The following SEC14L5 variants were observed in gnomAD, a reference collection of about 807,000 sequenced individuals.
SEC14L5 encodes the protein SEC14-like protein 5.
In SEC14L5, 96 loss-of-function variants were observed where a neutral mutation model predicts 84.6. The observed-to-expected ratio is 1.13, with a 90% CI of 0.96 to 1.34. The LOEUF is 1.34. Ranked by LOEUF, SEC14L5 falls within the 40% of genes most tolerant of loss-of-function variation. SEC14L5 has a pLI of 0.00. For missense variants in SEC14L5, 1,224 were observed against 942.5 expected (o/e 1.30, Z -3.91); for synonymous variants, 546 against 383.4 (o/e 1.42, Z -4.95).
At chr16:4,987,185 T>C (rs905450452) in intron 2 of SEC14L5, among the ~76,000 whole-genome samples, 2 of 142,142 alleles carry the variant, frequency 1.4e-5, no homozygotes, top group South Asian at 4.7e-4. Context: ...GCCCTTCTAT[T>C]CCTAGTTTAT....
rs117370717 is a variant in SEC14L5 at position 5,012,684 on chromosome 16, C to T, written c.1979+1411C>T. Among the ~76,000 whole-genome samples, 834 of 152,264 alleles carry T rather than the reference C, an allele frequency of 5.5e-3. 3 individuals are homozygous for T. The highest frequency in any genetic ancestry group is 9.1e-3 in the Non-Finnish European group (619 of 68,020). The stretch of plus-strand genomic sequence containing the variant: ...CTTTGGGAAGCCGAGGTGGGTGGAT[C>T]ATCTGTGGTCAAGAGTTTGAGACCA... On this transcript the variant is annotated intron_variant, in intron 15 of 15. Coordinates refer to ENST00000251170, the MANE Select transcript of SEC14L5 (RefSeq NM_014692.2).
intron 13 of SEC14L5, 59 bp from the exon 14 acceptor site, chr16:5,008,362 C>A: frequency 7.8e-7 from 1 of 1,288,042 alleles, no homozygotes; most frequent in African/African-American, 1.5e-5. Flanking sequence ...CCACTGTGTT[C>A]CCCACCCCAG....
At position 5,005,019 on chromosome 16, in the gene SEC14L5, T is replaced by G. The variant is rs74927850; in HGVS notation, c.1303-895T>G. Among the ~76,000 whole-genome samples the G allele has an allele frequency of 5.2e-3, 799 of 152,310 alleles. 3 individuals carry two copies. Among genetic ancestry groups the G allele is most frequent in the African/African-American group, 0.018 (758 of 41,578 alleles). ...TGTGTGATCTCCTTTATATGAAATG[T>G]GCAGAATAGGGCTGGGCGAGGTGGC... On this transcript the variant is annotated intron_variant, in intron 11 of 15. Coordinates refer to ENST00000251170, the MANE Select transcript of SEC14L5 (RefSeq NM_014692.2).
chr16:4,999,430 T>C (rs1475924766), intron 8 of SEC14L5, among the ~76,000 whole-genome samples: 1 of 150,472 alleles, frequency 6.6e-6, no homozygotes, highest in African/African-American at 2.5e-5. Context: ...CATAGTGAGC[T>C]CGCCCCCCTC....
At chr16:4,983,740 A>G (rs984094478) in intron 2 of SEC14L5, among the ~76,000 whole-genome samples, 1 of 151,750 alleles carries the variant, frequency 6.6e-6, no homozygotes, top group East Asian at 1.9e-4. Context: ...AGCAGGGTGT[A>G]GTGGCGTGTG....
rs1262682087 is a variant in SEC14L5 at position 5,000,843 on chromosome 16, T to C, written c.1060-12T>C. 7 of 1,598,710 alleles carry C rather than the reference T, an allele frequency of 4.4e-6. No homozygotes were observed. The highest frequency in any genetic ancestry group is 6.0e-6 in the Non-Finnish European group (7 of 1,172,758). Reference sequence around the variant, plus strand: ...GAGGCGGACGTTGAGCAGCACTGTCTCTCCCTTCCAGGTTCTCTCCGTCAA... The same window carrying C: ...GAGGCGGACGTTGAGCAGCACTGTCCCTCCCTTCCAGGTTCTCTCCGTCAA... On this transcript the variant is annotated splice_polypyrimidine_tract_variant and intron_variant, in intron 9 of 15. Transcript: ENST00000251170.
rs1955555330 is a variant in SEC14L5, at chr16:4,991,771, T to G, written c.475-67T>G. On this transcript the variant is annotated intron_variant, in intron 5 of 15. Transcript: ENST00000251170. ...TGAGCCGGCTGGGGGTGACTCCCTGTGGTGATCCTGTGACCCCCCTCCATC... is the reference window on the plus strand; with the variant it reads ...TGAGCCGGCTGGGGGTGACTCCCTGGGGTGATCCTGTGACCCCCCTCCATC... 15 of 1,115,774 alleles carry G rather than the reference T, an allele frequency of 1.3e-5. No homozygotes were observed. The East Asian group carries it at 4.0e-4, about 30-fold the overall frequency. 69.1% of individuals were successfully genotyped at this position (1,115,774 alleles called of 1,614,324 possible). A position where few individuals can be genotyped will look rare whatever the true frequency, so the allele number is the denominator to read the frequency against.
intron 2 of SEC14L5, among the ~76,000 whole-genome samples, chr16:4,976,005 CAGGA>C (rs1216850334): frequency 1.3e-5 from 2 of 152,070 alleles, no homozygotes; most frequent in Non-Finnish European, 1.5e-5. Context: ...TGAGGAAGAA[CAGGA>C]AGGAAGGAAG....
intron 2 of SEC14L5, among the ~76,000 whole-genome samples, chr16:4,971,303 T>A (rs1955276542): frequency 6.6e-6 from 1 of 151,078 alleles, no homozygotes. Flanking sequence ...TACAAAAAAT[T>A]AAAATATGAA....
chr16:4,983,279 G>A (rs1283623708), intron 2 of SEC14L5, among the ~76,000 whole-genome samples: 1 of 151,844 alleles, frequency 6.6e-6, no homozygotes, highest in Non-Finnish European at 1.5e-5. Context: ...TTCCCAAAGT[G>A]TTGGGATTAC....
chr16:4,987,505 G>GGA (rs1777579186), intron 2 of SEC14L5, 52 bp from the exon 3 acceptor site: 2 of 1,449,764 alleles, frequency 1.4e-6, no homozygotes, highest in Admixed American at 2.3e-5. Context: ...GCTGGGGGGG[G>GGA]GGGTCCCTCT....
At chr16:4,983,848 C>T (rs1596624576) in intron 2 of SEC14L5, among the ~76,000 whole-genome samples, 1 of 150,844 alleles carries the variant, frequency 6.6e-6, no homozygotes, top group Non-Finnish European at 1.5e-5. Context: ...TTGTACTCCA[C>T]CCTGGGTGAC....
In SEC14L5 at chr16:4,959,322, A is replaced by AGCTC. The variant is rs1367341987; in HGVS notation, c.-2_-1insGCTC. 1.2e-6 allele frequency: 2 copies of AGCTC among 1,613,064 alleles called. No individual in the cohort carries two copies. The highest frequency in any genetic ancestry group is 1.7e-6 in the Non-Finnish European group (2 of 1,179,180). On this transcript the variant is annotated 5_prime_UTR_variant, in exon 2 of 16. Transcript: ENST00000251170. Reference sequence around the variant, plus strand: ...GACCTCCATTGGTGCTCCAGCGTGAACATGGTGCAAAGATACCAGTCTCCT... The same window carrying AGCTC: ...GACCTCCATTGGTGCTCCAGCGTGAAGCTCCATGGTGCAAAGATACCAGTCTCCT...
At position 5,015,059 on chromosome 16, in the gene SEC14L5, C is replaced by A. The variant is rs1955858638; in HGVS notation, c.*89C>A. ...GCCAGCTAACTGCAGGGCCTGGGAC[C>A]ATGTGGGCTGGAGCCCCAGGCCTAG... On this transcript the variant is annotated 3_prime_UTR_variant, in exon 16 of 16. Coordinates refer to ENST00000251170, the MANE Select transcript of SEC14L5 (RefSeq NM_014692.2). 1.9e-6 allele frequency: 2 copies of A among 1,055,234 alleles called. No individual in the cohort carries two copies. The highest frequency in any genetic ancestry group is 1.4e-5 in the South Asian group (1 of 70,598). The allele number at this position is 1,055,234 out of a possible 1,614,324, so 65.4% of individuals were successfully genotyped here.
chr16:4,960,943 G>T (rs558774808), intron 2 of SEC14L5, among the ~76,000 whole-genome samples: 1 of 152,242 alleles, frequency 6.6e-6, no homozygotes, highest in African/African-American at 2.4e-5. Context: ...GTTCTGCTGT[G>T]CTCTGCCATG....
intron 2 of SEC14L5, among the ~76,000 whole-genome samples, chr16:4,984,726 A>G (rs1046563091): frequency 1.3e-5 from 2 of 152,246 alleles, no homozygotes; most frequent in African/African-American, 4.8e-5. Flanking sequence ...AAGTTATTAT[A>G]GTCATCCTAG....
chr16:5,009,987 T>A (rs1432366256), intron 14 of SEC14L5, among the ~76,000 whole-genome samples: 2 of 151,736 alleles, frequency 1.3e-5, no homozygotes, highest in Non-Finnish European at 2.9e-5. Context: ...GGTGCTAAGG[T>A]CCTGAGGTCA....
rs1295590495 is a variant in SEC14L5 at position 5,017,432 on chromosome 16, C to A, written c.*2462C>A. 1 of 152,300 alleles carries A rather than the reference C, an allele frequency of 6.6e-6. No homozygotes were observed. Among genetic ancestry groups the A allele is most frequent in the Non-Finnish European group, 1.5e-5 (1 of 68,086 alleles). 9.4% of individuals were successfully genotyped at this position (152,300 alleles called of 1,614,324 possible). ...TCAACTGCACCCAGGCCTCTTGACT[C>A]TGCATCTCTTTGCATGCTGACCTCA... On this transcript the variant is annotated 3_prime_UTR_variant, in exon 16 of 16. Transcript: ENST00000251170.
intron 2 of SEC14L5, among the ~76,000 whole-genome samples, chr16:4,967,886 C>T (rs1318288927): frequency 6.6e-6 from 1 of 151,216 alleles, no homozygotes; most frequent in East Asian, 2.0e-4. Flanking sequence ...TGATTACAGG[C>T]GTGACCACAC....
Sources: allele counts gnomAD v4.1 joint callset (sites outside exome capture counted in the v4.1 genomes callset), GRCh38; gene constraint gnomAD v4.1.1; transcripts MANE v1.5; gene names NCBI Gene and HGNC (gene_info 2026-07-23, HGNC 2026-07-21).